The following RBMS3 variants were observed in gnomAD, a reference collection of about 807,000 sequenced individuals.
RBMS3 encodes RNA binding motif single stranded interacting protein 3.
In RBMS3, 27 loss-of-function variants were observed where a neutral mutation model predicts 66.8. The observed-to-expected ratio is 0.40, with a 90% confidence interval of 0.30 to 0.56. The LOEUF (loss-of-function observed/expected upper bound fraction) is 0.56, where lower values mean the gene tolerates loss of function less well. RBMS3 is among the 20% of genes least tolerant of loss of function. The pLI, the probability that RBMS3 is intolerant of heterozygous loss-of-function variation, is 0.40. For missense variants in RBMS3, 513 were observed against 549.5 expected (o/e 0.93, Z 0.66); for synonymous variants, 188 against 183.0 (o/e 1.03, Z -0.22).
At chr3:29,308,533 T>C (rs979526344) in intron 1 of RBMS3, among the ~76,000 whole-genome samples, 4 of 151,698 alleles carry the variant, frequency 2.6e-5, no homozygotes. Flanking sequence ...AGTGTTATAT[T>C]TGATATAGGA....
At chr3:29,398,718 A>G (rs2039666693) in intron 1 of RBMS3, among the ~76,000 whole-genome samples, 3 of 152,158 alleles carry the variant, frequency 2.0e-5, no homozygotes, top group Admixed American at 2.0e-4. Flanking sequence ...AGTGCTTACA[A>G]GATCCTTGTC....
intron 3 of RBMS3, among the ~76,000 whole-genome samples, chr3:29,577,254 T>C (rs2047151783): frequency 6.6e-6 from 1 of 152,222 alleles, no homozygotes; most frequent in African/African-American, 2.4e-5. Context: ...TGCCCTATTC[T>C]ACCACGGCTG....
chr3:29,324,164 A>G (rs1360021674), intron 1 of RBMS3, among the ~76,000 whole-genome samples: 4 of 152,174 alleles, frequency 2.6e-5, no homozygotes, highest in Non-Finnish European at 5.9e-5. Flanking sequence ...ATGCACTTCT[A>G]TAAAGTAAGT....
At chr3:29,659,174 C>T (rs1241018240) in intron 4 of RBMS3, among the ~76,000 whole-genome samples, 1 of 152,084 alleles carries the variant, frequency 6.6e-6, no homozygotes, top group South Asian at 2.1e-4. Flanking sequence ...GAATGAAATG[C>T]ACATTTTAAA....
intron 1 of RBMS3, among the ~76,000 whole-genome samples, chr3:29,393,668 T>A (rs369377154): frequency 2.8e-5 from 4 of 143,562 alleles, no homozygotes; most frequent in African/African-American, 1.1e-4. Flanking sequence ...CAACGTAGGT[T>A]CTTTTCTATT....
At chr3:29,365,436 G>T (rs138675617) in intron 1 of RBMS3, among the ~76,000 whole-genome samples, 2 of 151,174 alleles carry the variant, frequency 1.3e-5, no homozygotes, top group African/African-American at 4.9e-5. Flanking sequence ...TTCTCTCTTC[G>T]TATCAAAGAA....
chr3:29,950,316 C>T (rs918017524), intron 12 of RBMS3, among the ~76,000 whole-genome samples: 1 of 151,808 alleles, frequency 6.6e-6, no homozygotes, highest in African/African-American at 2.4e-5. Flanking sequence ...TAAAGCATCC[C>T]GCAGCAGCAG....
chr3:29,589,583 C>A (rs912846701), intron 4 of RBMS3, among the ~76,000 whole-genome samples: 10 of 152,050 alleles, frequency 6.6e-5, no homozygotes, highest in Non-Finnish European at 1.3e-4. Flanking sequence ...TAAATAGGCT[C>A]CCTTTGAGAA....
intron 3 of RBMS3, among the ~76,000 whole-genome samples, chr3:29,505,587 A>C (rs753856289): frequency 3.3e-5 from 5 of 150,912 alleles, no homozygotes; most frequent in African/African-American, 7.3e-5. Flanking sequence ...TTCCATATGA[A>C]TTTTAGGACT....
At chr3:29,285,702 C>T (rs1453201698) in intron 1 of RBMS3, among the ~76,000 whole-genome samples, 7 of 152,096 alleles carry the variant, frequency 4.6e-5, no homozygotes, top group Admixed American at 3.3e-4. Context: ...ATCAACTGCA[C>T]GTTGATTTCA....
At chr3:29,706,703 G>A (rs1031290346) in intron 4 of RBMS3, among the ~76,000 whole-genome samples, 1 of 152,198 alleles carries the variant, frequency 6.6e-6, no homozygotes, top group Non-Finnish European at 1.5e-5. Flanking sequence ...TGTTCATAGA[G>A]TCCATCACCA....
intron 8 of RBMS3, among the ~76,000 whole-genome samples, chr3:29,887,733 A>G (rs2059905807): frequency 6.6e-6 from 1 of 151,824 alleles, no homozygotes; most frequent in East Asian, 1.9e-4. Context: ...ACTAAGACTC[A>G]TTAAGACAAA....
At chr3:29,471,799 A>T (rs1169006374) in intron 2 of RBMS3, among the ~76,000 whole-genome samples, 4 of 150,364 alleles carry the variant, frequency 2.7e-5, no homozygotes, top group Non-Finnish European at 5.9e-5. Flanking sequence ...ATAAAATCCA[A>T]TATGTTATCT....
chr3:29,688,672 T>A (rs1030955561), intron 4 of RBMS3, among the ~76,000 whole-genome samples: 5 of 137,652 alleles, frequency 3.6e-5, no homozygotes, highest in Non-Finnish European at 7.6e-5. Flanking sequence ...AACCTCCGCC[T>A]CCCAGGTTCA....
At chr3:29,869,634 T>C (rs1239683695) in intron 7 of RBMS3, among the ~76,000 whole-genome samples, 2 of 152,194 alleles carry the variant, frequency 1.3e-5, no homozygotes, top group African/African-American at 2.4e-5. Context: ...AGCCAGTTTA[T>C]GGATCCAGTG....
chr3:29,794,083 C>A (rs1415869944), intron 6 of RBMS3, among the ~76,000 whole-genome samples: 1 of 152,198 alleles, frequency 6.6e-6, no homozygotes, highest in East Asian at 1.9e-4. Context: ...TCACCAGAAG[C>A]AGTTGCTAGA....
intron 4 of RBMS3, among the ~76,000 whole-genome samples, chr3:29,624,210 A>C (rs9847302): frequency 0.041 from 6,221 of 152,310 alleles, 380 homozygotes; most frequent in East Asian, 0.31. Flanking sequence ...GGTTTTAAGA[A>C]AGCACTTTTA....
intron 13 of RBMS3, among the ~76,000 whole-genome samples, 176 bp downstream of exon 13, chr3:29,988,399 G>T (rs1467083549): frequency 6.6e-6 from 1 of 152,172 alleles, no homozygotes; most frequent in African/African-American, 2.4e-5. Context: ...GCTGTGTTTT[G>T]CTTTGCACAT....
chr3:29,331,943 T>C (rs1418385167), intron 1 of RBMS3, among the ~76,000 whole-genome samples: 1 of 151,834 alleles, frequency 6.6e-6, no homozygotes, highest in Non-Finnish European at 1.5e-5. Flanking sequence ...ATTATAGAAT[T>C]TGTCTCTCAA....
Sources: gnomAD v4.1 joint callset for allele counts (sites outside exome capture counted in the v4.1 genomes callset) on GRCh38, gnomAD v4.1.1 for gene constraint, MANE v1.5 for transcripts, NCBI Gene and HGNC (gene_info 2026-07-23, HGNC 2026-07-21) for gene names.